The following MEGF10 variants were observed in gnomAD, a reference collection of about 807,000 sequenced individuals.
MEGF10 encodes the protein multiple epidermal growth factor-like domains protein 10.
In MEGF10, 86 loss-of-function variants were observed where a neutral mutation model predicts 147.5. That is an observed-to-expected ratio of 0.58 (90% confidence interval 0.49 to 0.70). The LOEUF (loss-of-function observed/expected upper bound fraction) is 0.70, where lower values mean the gene tolerates loss of function less well. MEGF10 is among the 30% of genes least tolerant of loss of function. The pLI, the probability that MEGF10 is intolerant of heterozygous loss-of-function variation, is 0.00. For missense variants in MEGF10, 1,329 were observed against 1,487.3 expected, an observed-to-expected ratio of 0.89 and a Z score of 1.75; for synonymous variants, 478 against 525.5, an observed-to-expected ratio of 0.91 and a Z score of 1.24.
chr5:127,305,728 T>C (rs1254961545), intron 1 of MEGF10, among the ~76,000 whole-genome samples: 1 of 152,186 alleles, frequency 6.6e-6, no homozygotes, highest in Non-Finnish European at 1.5e-5. Context: ...AAATGCTGTT[T>C]TGTTTGTGCA....
In MEGF10 at chr5:127,457,510, A is replaced by T. The variant is rs151022976; in HGVS notation, c.*192A>T. 445 of 593,964 alleles carry T rather than the reference A, an allele frequency of 7.5e-4. No individual in the cohort carries two copies. The highest frequency in any genetic ancestry group is 7.4e-3 in the African/African-American group (402 of 53,976). 36.8% of individuals were successfully genotyped at this position (593,964 alleles called of 1,614,324 possible). ...CTTTTTGTTCAGGTGGATTCGAAGG[A>T]GTTAGAGATGTGATTTCCCATTGCT... On this transcript the variant is annotated 3_prime_UTR_variant, in exon 25 of 25. Transcript: ENST00000503335.
At chr5:127,439,634 T>C (rs1366747713) in intron 17 of MEGF10, among the ~76,000 whole-genome samples, 1 of 152,220 alleles carries the variant, frequency 6.6e-6, no homozygotes, top group African/African-American at 2.4e-5. Context: ...AATTCTAAAA[T>C]TAGAACGTGC....
intron 1 of MEGF10, among the ~76,000 whole-genome samples, chr5:127,305,328 T>A (rs1040606292): frequency 6.6e-6 from 1 of 152,160 alleles, no homozygotes; most frequent in African/African-American, 2.4e-5. Flanking sequence ...ATTGGCCTCA[T>A]AGCTGTGTGT....
intron 9 of MEGF10, among the ~76,000 whole-genome samples, chr5:127,411,975 A>G (rs1263232387): frequency 6.6e-6 from 1 of 152,256 alleles, no homozygotes; most frequent in Non-Finnish European, 1.5e-5. Flanking sequence ...GAGCTCTGCT[A>G]TGAGAAGAAT....
At chr5:127,255,429 T>C in the MEGF10 span, among the ~76,000 whole-genome samples, 1 of 152,134 alleles carries the variant, frequency 6.6e-6, no homozygotes, top group East Asian at 1.9e-4. Flanking sequence ...AGCCTTTCAA[T>C]AGTCTTACAA....
chr5:127,239,136 A>G, the MEGF10 span, among the ~76,000 whole-genome samples: 1 of 152,148 alleles, frequency 6.6e-6, no homozygotes, highest in Non-Finnish European at 1.5e-5. Context: ...CATGAAAGAC[A>G]CAAACGCTGA....
At chr5:127,289,732 C>T (rs1759151325), upstream of MEGF10, among the ~76,000 whole-genome samples, 2 of 152,256 alleles carry the variant, frequency 1.3e-5, no homozygotes, top group South Asian at 4.1e-4. Context: ...TACTATTTTC[C>T]AGGAGCGTTA....
At position 127,322,085 on chromosome 5, in the gene MEGF10, A is replaced by AAT. The variant is rs1554090127; in HGVS notation, c.-18-9205_-18-9204insTA. ...AATTAGCGCTTTTGCAAAAAAAAAAAAATAATAATGCTTTAGGTTAAAAGA... is the reference window on the plus strand; with the variant it reads ...AATTAGCGCTTTTGCAAAAAAAAAAAATAATAATAATGCTTTAGGTTAAAAGA... On this transcript the variant is annotated intron_variant, in intron 1 of 24. Transcript: ENST00000503335. 2.0e-3 allele frequency among the ~76,000 whole-genome samples: 297 copies of AAT among 151,636 alleles called. 2 individuals carry two copies. The highest frequency in any genetic ancestry group is 6.8e-3 in the African/African-American group (280 of 41,276).
chr5:127,402,683 G>GT lies in MEGF10; in HGVS notation c.917+2dup. ...GCAGTCCAGGATACACAGGGGAACG[G>GT]TAAGGGATGCCCTTGTATTTCTCTG... On this transcript the variant is annotated splice_donor_variant, in intron 8 of 24. Coordinates refer to ENST00000503335, the MANE Select transcript of MEGF10 (RefSeq NM_001256545.2). LOFTEE classifies it high-confidence loss of function. The GT allele has an allele frequency of 6.2e-7, 1 of 1,613,818 alleles. No individual in the cohort carries two copies. Among genetic ancestry groups the GT allele is most frequent in the Non-Finnish European group, 8.5e-7 (1 of 1,179,868 alleles).
Position 127,422,127 on chromosome 5 carries a change from G to A in MEGF10, c.1591-543G>A, listed in dbSNP as rs984748523. On this transcript the variant is annotated intron_variant, in intron 12 of 24. Transcript: ENST00000503335. ...GCTTCACTATTTATATGTCCCAACC[G>A]TTGTGTCAGGCATAAACTAGGGTTT... Among the ~76,000 whole-genome samples the A allele has an allele frequency of 1.2e-4, 19 of 152,114 alleles. No homozygotes were observed. The East Asian group carries it at 2.3e-3, about 19-fold the overall frequency.
chr5:127,423,639 T>C (rs951235778), intron 13 of MEGF10, among the ~76,000 whole-genome samples: 2 of 152,224 alleles, frequency 1.3e-5, no homozygotes, highest in Non-Finnish European at 2.9e-5. Context: ...TGGCTGATGA[T>C]ATTGAACATC....
intron 7 of MEGF10, 147 bp downstream of exon 7, chr5:127,398,943 T>A: frequency 9.0e-7 from 1 of 1,114,496 alleles, no homozygotes; most frequent in Non-Finnish European, 1.3e-6. Context: ...CAAGCCATTT[T>A]AAATCTGAAA....
At chr5:127,447,519 G>C in intron 20 of MEGF10, 38 bp from the exon 21 acceptor site, 1 of 1,613,012 alleles carries the variant, frequency 6.2e-7, no homozygotes, top group Non-Finnish European at 8.5e-7. Flanking sequence ...ACATTTATGG[G>C]AGCCTGCTGC....
the MEGF10 span, among the ~76,000 whole-genome samples, chr5:127,283,345 T>A: frequency 4.6e-5 from 7 of 152,168 alleles, no homozygotes; most frequent in South Asian, 2.1e-4. Flanking sequence ...GTTGAAATTT[T>A]AAAAAAAGCA....
chr5:127,295,802 C>T (rs1759470779), intron 1 of MEGF10, among the ~76,000 whole-genome samples: 1 of 152,146 alleles, frequency 6.6e-6, no homozygotes, highest in African/African-American at 2.4e-5. Context: ...AGGGTGTGTA[C>T]CCAGTATCTG....
intron 4 of MEGF10, among the ~76,000 whole-genome samples, chr5:127,363,901 C>T (rs1350292579): frequency 6.6e-6 from 1 of 152,078 alleles, no homozygotes; most frequent in African/African-American, 2.4e-5. Context: ...GGGTAAGAGC[C>T]CTTGACCCCA....
chr5:127,247,499 A>C, the MEGF10 span, among the ~76,000 whole-genome samples: 1 of 150,238 alleles, frequency 6.7e-6, no homozygotes, highest in African/African-American at 2.4e-5. Flanking sequence ...AATTTAAAGA[A>C]TCTATGAAGT....
At chr5:127,419,938 C>T (rs1764926933) in intron 11 of MEGF10, 106 bp from the exon 12 acceptor site, 9 of 1,300,634 alleles carry the variant, frequency 6.9e-6, no homozygotes, top group Non-Finnish European at 9.5e-6. Flanking sequence ...GTGGCTGGGG[C>T]TTGCATCTCC....
chr5:127,402,378 A>G (rs1404733647), intron 7 of MEGF10, among the ~76,000 whole-genome samples, 168 bp from the exon 8 acceptor site: 1 of 152,198 alleles, frequency 6.6e-6, no homozygotes, highest in African/African-American at 2.4e-5. Flanking sequence ...TGTTTCTAAT[A>G]TTTTAAAGAT....
Sources: allele counts gnomAD v4.1 joint callset (sites outside exome capture counted in the v4.1 genomes callset), GRCh38; gene constraint gnomAD v4.1.1; transcripts MANE v1.5; gene names NCBI Gene and HGNC (gene_info 2026-07-23, HGNC 2026-07-21).